The following PATJ variants were observed in gnomAD, a reference collection of about 807,000 sequenced individuals.
PATJ encodes the protein inaD-like protein.
A neutral mutation model predicts 224.9 loss-of-function variants in PATJ; 190 were observed. The observed-to-expected ratio is 0.84, with a 90% CI of 0.75 to 0.95. The LOEUF (loss-of-function observed/expected upper bound fraction) is 0.95, where lower values mean the gene tolerates loss of function less well. PATJ is among the 40% of genes least tolerant of loss of function. The pLI is 0.00. For synonymous variants in PATJ, 769 were observed against 820.3 expected (o/e 0.94, Z 1.07); for missense variants, 2,121 against 2,270.3 (o/e 0.93, Z 1.34).
At chr1:61,832,093 A>G (rs1405047862) in intron 16 of PATJ, among the ~76,000 whole-genome samples, 1 of 152,200 alleles carries the variant, frequency 6.6e-6, no homozygotes, top group Non-Finnish European at 1.5e-5. Context: ...CAAATACCAC[A>G]TGTTCTCACT....
chr1:61,900,634 G>C (rs1251096742), intron 23 of PATJ, among the ~76,000 whole-genome samples: 2 of 151,946 alleles, frequency 1.3e-5, no homozygotes, highest in Non-Finnish European at 2.9e-5. Flanking sequence ...CTGTCGCCCG[G>C]GCTGGAGTGC....
At chr1:61,793,587 A>G (rs1650347718) in intron 9 of PATJ, among the ~76,000 whole-genome samples, 1 of 152,028 alleles carries the variant, frequency 6.6e-6, no homozygotes, top group South Asian at 2.1e-4. Context: ...CAAAAAATAA[A>G]AAAAAATTGT....
intron 14 of PATJ, among the ~76,000 whole-genome samples, chr1:61,821,935 C>A (rs1055970655): frequency 6.6e-6 from 1 of 152,198 alleles, no homozygotes; most frequent in Non-Finnish European, 1.5e-5. Flanking sequence ...CTTTACTCGA[C>A]ATTGGCTAGA....
intron 27 of PATJ, among the ~76,000 whole-genome samples, chr1:61,938,746 A>T (rs2149333784): frequency 6.6e-6 from 1 of 152,242 alleles, no homozygotes; most frequent in East Asian, 1.9e-4. Context: ...CAATATTTGC[A>T]TTAAAATTGG....
intron 18 of PATJ, among the ~76,000 whole-genome samples, chr1:61,857,303 A>G (rs979170402): frequency 1.3e-5 from 2 of 152,216 alleles, no homozygotes; most frequent in Non-Finnish European, 1.5e-5. Context: ...ATTAACTATT[A>G]ACTAACCTAA....
At chr1:62,036,103 G>A (rs995022621) in intron 29 of PATJ, among the ~76,000 whole-genome samples, 9 of 152,110 alleles carry the variant, frequency 5.9e-5, no homozygotes, top group African/African-American at 9.7e-5. Flanking sequence ...CTTCCTTATC[G>A]ACTTTGCTCT....
At chr1:61,907,372 C>T (rs2149195913) in intron 24 of PATJ, among the ~76,000 whole-genome samples, 1 of 152,276 alleles carries the variant, frequency 6.6e-6, no homozygotes, top group Middle Eastern at 3.4e-3. Flanking sequence ...TTCCAGTGCT[C>T]ACCAAATCTT....
intron 27 of PATJ, among the ~76,000 whole-genome samples, chr1:61,982,116 G>T (rs1037051925): frequency 2.6e-5 from 4 of 151,988 alleles, no homozygotes; most frequent in Non-Finnish European, 5.9e-5. Context: ...TGGGAAGTGG[G>T]GGCAGGGGGC....
intron 27 of PATJ, among the ~76,000 whole-genome samples, chr1:61,964,035 A>G (rs1681709949): frequency 6.6e-6 from 1 of 152,144 alleles, no homozygotes; most frequent in Admixed American, 6.5e-5. Flanking sequence ...TTTAGTTCAC[A>G]CTAAGTTGTA....
At chr1:61,916,963 G>A (rs996367639) in intron 26 of PATJ, among the ~76,000 whole-genome samples, 2 of 152,180 alleles carry the variant, frequency 1.3e-5, no homozygotes, top group Non-Finnish European at 2.9e-5. Context: ...TGATCCATCA[G>A]AATACAGAGT....
intron 27 of PATJ, among the ~76,000 whole-genome samples, chr1:61,929,325 T>A (rs540644919): frequency 4.0e-4 from 61 of 152,348 alleles, no homozygotes; most frequent in African/African-American, 1.4e-3. Context: ...TTGCTAGTTG[T>A]GAGTTTTTGG....
rs141626678 is a variant in PATJ, at chr1:61,865,422, G to C, written c.2835+789G>C. 1,122 of 151,644 alleles carry C rather than the reference G, an allele frequency of 7.4e-3. 11 individuals are homozygous for C. Among genetic ancestry groups the C allele is most frequent in the Non-Finnish European group, 0.011 (780 of 68,006 alleles). 9.4% of individuals were successfully genotyped at this position (151,644 alleles called of 1,614,324 possible). A position where few individuals can be genotyped will look rare whatever the true frequency, so the allele number is the denominator to read the frequency against. On this transcript the variant is annotated intron_variant, in intron 20 of 43. Coordinates refer to ENST00000642238, the MANE Select transcript of PATJ (RefSeq NM_001350145.3). ...TTTTTTAAATTTTTTTGTAGAGATG[G>C]AGTTTTGCCATGTTGCCCAGGCTGG... is the stretch of plus-strand genomic sequence containing the variant.
intron 25 of PATJ, among the ~76,000 whole-genome samples, chr1:61,912,317 G>T (rs1219456545): frequency 6.6e-6 from 1 of 152,072 alleles, no homozygotes; most frequent in Non-Finnish European, 1.5e-5. Context: ...CAGTGGGCTG[G>T]GCGCAGTGGC....
At chr1:61,928,802 T>TA (rs1675600078) in intron 27 of PATJ, among the ~76,000 whole-genome samples, 2 of 146,856 alleles carry the variant, frequency 1.4e-5, no homozygotes, top group Admixed American at 1.3e-4. Flanking sequence ...AATATATAAA[T>TA]AGAAATAAAA....
chr1:61,869,953 C>A (rs1375162420), intron 20 of PATJ, among the ~76,000 whole-genome samples: 1 of 152,238 alleles, frequency 6.6e-6, no homozygotes, highest in East Asian at 1.9e-4. Flanking sequence ...ATCCCCGAAG[C>A]CCCAGTGGGC....
chr1:62,056,984 G>T (rs143890187), intron 31 of PATJ, among the ~76,000 whole-genome samples: 1,762 of 152,158 alleles, frequency 0.012, 32 homozygotes, highest in African/African-American at 0.04. Flanking sequence ...GCGCCACCAG[G>T]CCCGGCTAAT....
chr1:61,840,368 T>C (rs1364796348), intron 17 of PATJ, among the ~76,000 whole-genome samples: 1 of 152,054 alleles, frequency 6.6e-6, no homozygotes, highest in Non-Finnish European at 1.5e-5. Flanking sequence ...AAAGATATCC[T>C]GTGACAAGTA....
chr1:61,952,121 T>G, intron 27 of PATJ: 1 of 431,226 alleles, frequency 2.3e-6, no homozygotes, highest in Non-Finnish European at 4.2e-6. Flanking sequence ...TTCTCCGGCA[T>G]AGTTTTCCAG....
chr1:61,986,522 T>C (rs545303936), intron 27 of PATJ, among the ~76,000 whole-genome samples: 2 of 152,180 alleles, frequency 1.3e-5, no homozygotes, highest in South Asian at 4.1e-4. Context: ...CTGGACTTAA[T>C]GATCCTCCCG....
Sources: gnomAD v4.1 joint callset for allele counts (sites outside exome capture counted in the v4.1 genomes callset) on GRCh38, gnomAD v4.1.1 for gene constraint, MANE v1.5 for transcripts, NCBI Gene and HGNC (gene_info 2026-07-23, HGNC 2026-07-21) for gene names.